IDO2: variants seen among roughly 807,000 people sequenced by gnomAD.
The protein encoded by IDO2 is indoleamine 2,3-dioxygenase-like 1 protein.
In IDO2, 46 loss-of-function variants were observed where a neutral mutation model predicts 45.1. The ratio of observed to expected loss-of-function variants is 1.02; its 90% confidence interval spans 0.80 to 1.30. The LOEUF (loss-of-function observed/expected upper bound fraction) is 1.30. Among genes scored for constraint, IDO2 ranks in the 50% most tolerant of loss-of-function variants. The pLI is 0.00. For synonymous variants in IDO2, 218 were observed against 184.9 expected, an observed-to-expected ratio of 1.18 and a Z score of -1.45; for missense variants, 544 against 491.8, an observed-to-expected ratio of 1.11 and a Z score of -1.00.
At chr8:39,998,476 C>T (rs1802083684) in intron 8 of IDO2, 1 of 152,200 alleles carries the variant, frequency 6.6e-6, no homozygotes, top group Non-Finnish European at 1.5e-5. Flanking sequence ...ACGTGTCATA[C>T]AGCAGTCCCC....
Position 39,979,061 on chromosome 8 carries a change from G to A in IDO2, c.196-6G>A. The A allele has an allele frequency of 1.3e-6, 2 of 1,573,562 alleles. No individual in the cohort carries two copies. The highest frequency in any genetic ancestry group is 8.6e-7 in the Non-Finnish European group (1 of 1,159,596). ...CCTCTGACGGCATTTGGACTTTCAT[G>A]AACAGATGCCCCTGCTGAGCTGCCA... On this transcript the variant is annotated splice_region_variant and splice_polypyrimidine_tract_variant and intron_variant, in intron 3 of 10. Transcript: ENST00000502986.
intron 2 of IDO2, among the ~76,000 whole-genome samples, chr8:39,959,705 C>T (rs1807964227): frequency 6.6e-6 from 1 of 152,182 alleles, no homozygotes; most frequent in African/African-American, 2.4e-5. Flanking sequence ...CCCCTGTAAT[C>T]CCAGCTACTC....
rs1807520869 is a variant in IDO2, at chr8:39,934,830, C to G, written c.-406C>G. On this transcript the variant is annotated 5_prime_UTR_variant, in exon 1 of 11. Coordinates refer to ENST00000502986, the Ensembl canonical transcript of IDO2. The stretch of plus-strand genomic sequence containing the variant: ...GCCCAATGAATGCAAAGGCTGGTGC[C>G]TGGAAATATTGTGACTTTGCCACAG... The G allele has an allele frequency of 3.2e-5, 11 of 348,412 alleles. 1 individual carries two copies. Among genetic ancestry groups the G allele is most frequent in the South Asian group, 2.9e-4 (11 of 38,408 alleles). 21.6% of individuals were successfully genotyped at this position (348,412 alleles called of 1,614,324 possible). A position where few individuals can be genotyped will look rare whatever the true frequency, so the allele number is the denominator to read the frequency against.
At chr8:40,005,701 C>G (rs989943574) in intron 9 of IDO2, among the ~76,000 whole-genome samples, 1 of 152,160 alleles carries the variant, frequency 6.6e-6, no homozygotes, top group Non-Finnish European at 1.5e-5. Context: ...ACTTTTTCTT[C>G]TTGTTATTAA....
chr8:40,013,431 T>A, intron 9 of IDO2, 134 bp from the exon 10 acceptor site: 4 of 817,500 alleles, frequency 4.9e-6, no homozygotes, highest in Non-Finnish European at 7.8e-6. Context: ...CCTACAAAGA[T>A]ACCCCCAATC....
chr8:39,991,260 C>G (rs1394300638), intron 8 of IDO2, among the ~76,000 whole-genome samples: 1 of 152,080 alleles, frequency 6.6e-6, no homozygotes, highest in Non-Finnish European at 1.5e-5. Context: ...TTTTAAAGCC[C>G]TCATGATCAC....
chr8:39,997,088 T>G (rs1004492854), intron 8 of IDO2, among the ~76,000 whole-genome samples: 2 of 152,192 alleles, frequency 1.3e-5, no homozygotes, highest in African/African-American at 4.8e-5. Context: ...AAACTCTAGC[T>G]AAACTATTAT....
chr8:39,996,144 C>G (rs968362124), intron 8 of IDO2, among the ~76,000 whole-genome samples: 1 of 151,414 alleles, frequency 6.6e-6, no homozygotes. Context: ...TCCCTTTCCC[C>G]GGGGGAGTTA....
intron 3 of IDO2, among the ~76,000 whole-genome samples, chr8:39,977,437 G>T (rs1808275495): frequency 6.6e-6 from 1 of 152,230 alleles, no homozygotes; most frequent in Admixed American, 6.5e-5. Context: ...ACTTTGGGAG[G>T]CCAAGGCGGG....
intron 3 of IDO2, among the ~76,000 whole-genome samples, chr8:39,967,302 GT>G (rs1254942626): frequency 2.0e-5 from 3 of 152,122 alleles, no homozygotes; most frequent in South Asian, 2.1e-4. Flanking sequence ...AAATATTTGA[GT>G]TTTTTATATC....
chr8:40,000,836 C>T (rs1043362257), intron 8 of IDO2, among the ~76,000 whole-genome samples: 6 of 152,184 alleles, frequency 3.9e-5, no homozygotes, highest in Admixed American at 6.5e-5. Context: ...TGAAATTCCA[C>T]CTCCCCATCA....
At chr8:39,935,595 G>A (rs527644323) in intron 1 of IDO2, among the ~76,000 whole-genome samples, 2 of 152,022 alleles carry the variant, frequency 1.3e-5, no homozygotes, top group African/African-American at 2.4e-5. Flanking sequence ...GATTACAGGC[G>A]CTCACCACCA....
intron 1 of IDO2, among the ~76,000 whole-genome samples, chr8:39,942,767 G>A (rs1331784801): frequency 1.3e-5 from 2 of 152,076 alleles, no homozygotes; most frequent in Non-Finnish European, 2.9e-5. Flanking sequence ...ATAAATCTTG[G>A]GTGATTCGTG....
At chr8:39,986,780 G>A (rs987545178) in intron 6 of IDO2, 2 of 152,028 alleles carry the variant, frequency 1.3e-5, no homozygotes, top group African/African-American at 2.4e-5. Context: ...CACATGTCAG[G>A]AGAGGGATCC....
At chr8:40,005,954 A>C (rs1186023088) in intron 9 of IDO2, among the ~76,000 whole-genome samples, 1 of 152,014 alleles carries the variant, frequency 6.6e-6, no homozygotes, top group African/African-American at 2.4e-5. Context: ...GGCTGGAGGG[A>C]GTTCACTTGG....
intron 9 of IDO2, among the ~76,000 whole-genome samples, chr8:40,012,546 C>G (rs568198284): frequency 6.6e-6 from 1 of 152,316 alleles, no homozygotes; most frequent in African/African-American, 2.4e-5. Context: ...ATAAACTATA[C>G]AGCATGGTAG....
intron 2 of IDO2, among the ~76,000 whole-genome samples, 170 bp from the exon 3 acceptor site, chr8:39,963,438 T>G (rs1808029386): frequency 6.6e-6 from 1 of 152,242 alleles, no homozygotes. Flanking sequence ...CTTAGTCATC[T>G]GTGTATCTGA....
intron 3 of IDO2, among the ~76,000 whole-genome samples, chr8:39,968,078 C>CAA (rs35600937): frequency 0.02 from 2,838 of 139,184 alleles, 37 homozygotes; most frequent in Non-Finnish European, 0.025. Flanking sequence ...TCATAATCAC[C>CAA]AAAAAAAAAA....
At chr8:40,016,135 C>T in exon 11 of IDO2, 1 of 394,574 alleles carries the variant, frequency 2.5e-6, no homozygotes, top group Non-Finnish European at 4.5e-6. Context: ...AGGATGCTGA[C>T]AATAAGGACT....
Sources: gnomAD v4.1 joint callset for allele counts (sites outside exome capture counted in the v4.1 genomes callset) on GRCh38, gnomAD v4.1.1 for gene constraint, MANE v1.5 for transcripts, NCBI Gene and HGNC (gene_info 2026-07-23, HGNC 2026-07-21) for gene names.